CNTN1: variants seen among roughly 807,000 people sequenced by gnomAD.
CNTN1 encodes contactin-1.
A neutral mutation model predicts 126.4 loss-of-function variants in CNTN1; 38 were observed. That is an observed-to-expected ratio of 0.30 (90% CI 0.23 to 0.39). The LOEUF (loss-of-function observed/expected upper bound fraction) is 0.39. Ranked by LOEUF, CNTN1 falls within the 10% of genes least tolerant of loss-of-function variation. The pLI is 1.00. For missense variants in CNTN1, 1,009 were observed against 1,248.4 expected (o/e 0.81, Z 2.89); for synonymous variants, 413 against 422.6 (o/e 0.98, Z 0.28).
chr12:40,798,107 G>A (rs1020343817), intron 1 of CNTN1, among the ~76,000 whole-genome samples: 2 of 151,978 alleles, frequency 1.3e-5, no homozygotes, highest in African/African-American at 4.8e-5. Flanking sequence ...AAAATATCTA[G>A]GGAGAGAGGA....
chr12:40,941,014 T>C (rs1380698879), intron 12 of CNTN1, among the ~76,000 whole-genome samples: 1 of 152,184 alleles, frequency 6.6e-6, no homozygotes, highest in Non-Finnish European at 1.5e-5. Flanking sequence ...CTGATTCTGA[T>C]GAAGACCCAT....
intron 5 of CNTN1, among the ~76,000 whole-genome samples, chr12:40,923,493 A>G (rs1236750719): frequency 1.3e-5 from 2 of 152,198 alleles, no homozygotes; most frequent in African/African-American, 4.8e-5. Context: ...AAATGTAAAT[A>G]ATATACATTA....
At chr12:40,948,735 A>G (rs996411177) in intron 14 of CNTN1, among the ~76,000 whole-genome samples, 2 of 152,212 alleles carry the variant, frequency 1.3e-5, no homozygotes, top group African/African-American at 4.8e-5. Flanking sequence ...ATGCTCTACA[A>G]GGCAATACTG....
intron 23 of CNTN1, among the ~76,000 whole-genome samples, chr12:41,043,344 A>G (rs989219919): frequency 6.6e-6 from 1 of 152,192 alleles, no homozygotes. Flanking sequence ...GGCAAAGGAC[A>G]TGAACAGACA....
intron 1 of CNTN1, among the ~76,000 whole-genome samples, chr12:40,831,107 A>G (rs1028356196): frequency 2.0e-5 from 3 of 146,434 alleles, no homozygotes; most frequent in African/African-American, 5.0e-5. Context: ...ATACATATAT[A>G]GTATACTATA....
chr12:41,041,393 C>T (rs1592447594), intron 23 of CNTN1, among the ~76,000 whole-genome samples: 1 of 152,154 alleles, frequency 6.6e-6, no homozygotes, highest in African/African-American at 2.4e-5. Flanking sequence ...GGTTGTGTCT[C>T]TGCCCGGCTT....
chr12:40,963,726 C>T (rs1227516810), intron 15 of CNTN1, among the ~76,000 whole-genome samples: 1 of 152,028 alleles, frequency 6.6e-6, no homozygotes, highest in Non-Finnish European at 1.5e-5. Context: ...CAAATTTCCT[C>T]TGTTGTTGCA....
At chr12:41,016,225 C>CA (rs765033882) in intron 18 of CNTN1, among the ~76,000 whole-genome samples, 1 of 152,062 alleles carries the variant, frequency 6.6e-6, no homozygotes, top group Non-Finnish European at 1.5e-5. Flanking sequence ...TTGAGAGAGA[C>CA]AATAAAGTAG....
chr12:40,727,104 T>G (rs1942376728), intron 1 of CNTN1, among the ~76,000 whole-genome samples: 1 of 150,460 alleles, frequency 6.6e-6, no homozygotes, highest in South Asian at 2.1e-4. Flanking sequence ...AAAAAGAACA[T>G]GAGGAAATAT....
intron 1 of CNTN1, among the ~76,000 whole-genome samples, chr12:40,695,448 G>T (rs746866273): frequency 1.3e-5 from 2 of 152,110 alleles, no homozygotes; most frequent in Non-Finnish European, 2.9e-5. Flanking sequence ...TGTCCCTTGA[G>T]ACCAACTAGG....
chr12:40,883,168 A>G (rs948360478), intron 1 of CNTN1, among the ~76,000 whole-genome samples: 3 of 151,642 alleles, frequency 2.0e-5, no homozygotes, highest in African/African-American at 7.2e-5. Flanking sequence ...GTATGTTTTT[A>G]GATTCCCAGG....
chr12:40,896,267 A>G (rs1944411021), intron 1 of CNTN1, among the ~76,000 whole-genome samples: 1 of 152,202 alleles, frequency 6.6e-6, no homozygotes, highest in Non-Finnish European at 1.5e-5. Context: ...CCCCAATAGG[A>G]ATATAAAGAT....
At chr12:40,919,667 C>T (rs1945366139) in intron 4 of CNTN1, among the ~76,000 whole-genome samples, 1 of 152,106 alleles carries the variant, frequency 6.6e-6, no homozygotes, top group Non-Finnish European at 1.5e-5. Flanking sequence ...CCTTTCCACC[C>T]ATTTGATTCT....
Position 40,707,035 on chromosome 12 carries a change from C to T in CNTN1, c.-77+14443C>T, listed in dbSNP as rs762964150. On this transcript the variant is annotated intron_variant, in intron 1 of 23. Transcript: ENST00000551295. ...AAACATACATATAAAGACGTGCGCG[C>T]GCGCGCTTGCGCACACACACACACA... 6.4e-3 allele frequency among the ~76,000 whole-genome samples: 718 copies of T among 111,514 alleles called. 2 individuals are homozygous for T. Among genetic ancestry groups the T allele is most frequent in the African/African-American group, 0.017 (493 of 28,978 alleles). The allele number at this position is 111,514 out of a possible 152,430, so 73.2% of individuals were successfully genotyped here.
At chr12:40,719,149 A>G (rs904112484) in intron 1 of CNTN1, among the ~76,000 whole-genome samples, 2 of 152,228 alleles carry the variant, frequency 1.3e-5, no homozygotes, top group African/African-American at 4.8e-5. Flanking sequence ...TTCAGTTAGA[A>G]ATAATGTGCT....
intron 1 of CNTN1, among the ~76,000 whole-genome samples, chr12:40,876,916 G>T (rs1439445982): frequency 2.0e-5 from 3 of 152,080 alleles, no homozygotes; most frequent in Admixed American, 6.6e-5. Flanking sequence ...TAATATATTT[G>T]CTTCTGTGCA....
At chr12:40,796,705 G>A (rs563615732) in intron 1 of CNTN1, among the ~76,000 whole-genome samples, 2 of 152,160 alleles carry the variant, frequency 1.3e-5, no homozygotes, top group Admixed American at 6.6e-5. Flanking sequence ...AATAACTTCA[G>A]GAGAGACAGA....
intron 1 of CNTN1, among the ~76,000 whole-genome samples, chr12:40,879,853 G>A (rs1565876785): frequency 6.6e-6 from 1 of 151,712 alleles, no homozygotes; most frequent in Non-Finnish European, 1.5e-5. Flanking sequence ...TTCTCTGTTG[G>A]GCATTTAGAA....
intron 12 of CNTN1, among the ~76,000 whole-genome samples, chr12:40,942,592 A>G (rs1946297495): frequency 6.6e-6 from 1 of 152,104 alleles, no homozygotes; most frequent in African/African-American, 2.4e-5. Context: ...ACAGTGATGG[A>G]TTTCTGAGTA....
Sources: gnomAD v4.1 joint callset for allele counts (sites outside exome capture counted in the v4.1 genomes callset) on GRCh38, gnomAD v4.1.1 for gene constraint, MANE v1.5 for transcripts, NCBI Gene and HGNC (gene_info 2026-07-23, HGNC 2026-07-21) for gene names.